ADAM18: variants seen among roughly 807,000 people sequenced by gnomAD.
ADAM18 encodes the protein ADAM metallopeptidase domain 18.
A neutral mutation model predicts 94.4 loss-of-function variants in ADAM18; 117 were observed. That is an observed-to-expected ratio of 1.24 (90% CI 1.07 to 1.45). ADAM18 has a LOEUF of 1.45. Ranked by LOEUF, ADAM18 falls within the 40% of genes most tolerant of loss-of-function variation. The probability of loss-of-function intolerance (pLI) is 0.00; values close to 1 mark genes in which losing one functional copy is unlikely to be tolerated. For synonymous variants in ADAM18, 327 were observed against 291.6 expected (o/e 1.12, Z -1.24); for missense variants, 936 against 880.0 (o/e 1.06, Z -0.81).
intron 14 of ADAM18, among the ~76,000 whole-genome samples, chr8:39,669,028 T>A (rs535430580): frequency 3.3e-5 from 5 of 152,228 alleles, no homozygotes; most frequent in Admixed American, 6.5e-5. Flanking sequence ...ATTTTCTGTG[T>A]GCTATTTTTC....
chr8:39,677,141 A>G (rs534364234), intron 14 of ADAM18, among the ~76,000 whole-genome samples: 2 of 152,348 alleles, frequency 1.3e-5, no homozygotes, highest in East Asian at 3.9e-4. Context: ...AGAGGAAGTT[A>G]CAAGGTCAAG....
intron 2 of ADAM18, among the ~76,000 whole-genome samples, chr8:39,590,575 T>TAA (rs1414661000): frequency 4.6e-5 from 7 of 152,084 alleles, no homozygotes; most frequent in Non-Finnish European, 1.0e-4. Flanking sequence ...CCCTAAAACT[T>TAA]AAAGTGTAAT....
At chr8:39,682,502 A>G (rs1167441948) in intron 16 of ADAM18, among the ~76,000 whole-genome samples, 1 of 152,208 alleles carries the variant, frequency 6.6e-6, no homozygotes, top group Non-Finnish European at 1.5e-5. Flanking sequence ...GAGTCAAATA[A>G]GAACTGAGAA....
chr8:39,592,934 A>G (rs1023634063), intron 2 of ADAM18, among the ~76,000 whole-genome samples: 2 of 152,158 alleles, frequency 1.3e-5, no homozygotes, highest in African/African-American at 4.8e-5. Flanking sequence ...TTTTATCTAC[A>G]CTGAAAATCT....
In ADAM18 at chr8:39,729,935, C is replaced by A. The variant is rs570432321; in HGVS notation, c.2215C>A (p.His739Asn). The change falls in exon 20 of 20, where the codon CAT becomes AAT. Residue 739 changes from histidine to asparagine, a missense_variant. Transcript: ENST00000265707. ...SVVSESDDVG[H>N] ...TGTATCAGAAAGCGATGACGTGGGACATTAATATTGCACAGAACTTCCATA... is the reference window on the plus strand; with the variant it reads ...TGTATCAGAAAGCGATGACGTGGGAAATTAATATTGCACAGAACTTCCATA... The A allele has an allele frequency of 6.2e-7, 1 of 1,612,862 alleles. No homozygotes were observed. The highest frequency in any genetic ancestry group is 1.3e-5 in the African/African-American group (1 of 74,900).
Position 39,663,791 on chromosome 8 carries a change from T to C in ADAM18, c.1231-4T>C, listed in dbSNP as rs200211640. The C allele has an allele frequency of 3.1e-4, 491 of 1,599,692 alleles. 2 individuals are homozygous for C. In the African/African-American group the frequency reaches 5.7e-3, roughly 19 times the overall value. On this transcript the variant is annotated splice_polypyrimidine_tract_variant and splice_region_variant and intron_variant, in intron 12 of 19. Coordinates refer to ENST00000265707, the MANE Select transcript of ADAM18 (RefSeq NM_014237.3). ...TAATAATATTTCTTCCTGTAAAATT[T>C]TAGGAATGTCAATTTAAGAAGTGCT...
At chr8:39,618,998 G>A (rs866008569) in intron 6 of ADAM18, among the ~76,000 whole-genome samples, 2 of 151,988 alleles carry the variant, frequency 1.3e-5, no homozygotes, top group African/African-American at 4.8e-5. Context: ...GTTTCAGGGG[G>A]TCTCCCTACA....
At chr8:39,596,725 T>C (rs767123563) in intron 2 of ADAM18, among the ~76,000 whole-genome samples, 1 of 152,214 alleles carries the variant, frequency 6.6e-6, no homozygotes, top group Non-Finnish European at 1.5e-5. Context: ...GGTAAGAGTA[T>C]GTGTAGTATT....
At chr8:39,601,306 G>C (rs186288168) in intron 2 of ADAM18, among the ~76,000 whole-genome samples, 1 of 152,222 alleles carries the variant, frequency 6.6e-6, no homozygotes, top group African/African-American at 2.4e-5. Flanking sequence ...TGTGGCAGGG[G>C]CCAGGTGGTG....
intron 17 of ADAM18, among the ~76,000 whole-genome samples, chr8:39,703,058 A>G (rs764820508): frequency 3.3e-5 from 5 of 152,204 alleles, no homozygotes; most frequent in Admixed American, 6.5e-5. Context: ...CGTTGAATCT[A>G]TAAATAGCTT....
chr8:39,659,854 C>A (rs531159691), intron 12 of ADAM18, among the ~76,000 whole-genome samples: 10 of 152,058 alleles, frequency 6.6e-5, no homozygotes, highest in Non-Finnish European at 1.2e-4. Flanking sequence ...ACCAAAAAAT[C>A]TGAAAATAAA....
intron 17 of ADAM18, among the ~76,000 whole-genome samples, chr8:39,702,306 T>G (rs1822103320): frequency 6.6e-6 from 1 of 152,218 alleles, no homozygotes; most frequent in African/African-American, 2.4e-5. Flanking sequence ...GAAAAGTTTC[T>G]GTTCATGTCA....
At chr8:39,586,212 A>G (rs1251077972) in intron 2 of ADAM18, among the ~76,000 whole-genome samples, 2 of 152,218 alleles carry the variant, frequency 1.3e-5, no homozygotes, top group African/African-American at 4.8e-5. Context: ...ATGTTTGGGA[A>G]TCACAATAAA....
chr8:39,687,732 T>C (rs1256162715), intron 16 of ADAM18, among the ~76,000 whole-genome samples: 5 of 152,214 alleles, frequency 3.3e-5, no homozygotes, highest in Admixed American at 1.3e-4. Context: ...TTTAGTTTTC[T>C]GTTCCTGCAT....
In ADAM18 at chr8:39,714,178, A is replaced by T. The variant is rs573673913; in HGVS notation, c.2017+7274A>T. Among the ~76,000 whole-genome samples, 10 of 152,278 alleles carry T rather than the reference A, an allele frequency of 6.6e-5. No homozygotes were observed. In the South Asian group the frequency reaches 1.0e-3, roughly 16 times the overall value. On this transcript the variant is annotated intron_variant, in intron 18 of 19. Transcript: ENST00000265707. ...AGCTGGAAACCATCATTCTGAGCAA[A>T]CTATCACAGGACAGAAAACCAAGCA...
At chr8:39,644,060 A>G (rs1820310485) in intron 10 of ADAM18, among the ~76,000 whole-genome samples, 1 of 152,100 alleles carries the variant, frequency 6.6e-6, no homozygotes, top group South Asian at 2.1e-4. Context: ...TCATATACAT[A>G]CAAACATGTA....
intron 18 of ADAM18, among the ~76,000 whole-genome samples, chr8:39,708,272 C>T (rs1822294934): frequency 6.6e-6 from 1 of 152,140 alleles, no homozygotes; most frequent in African/African-American, 2.4e-5. Context: ...ATCAGATATT[C>T]TCAGAGATAT....
At chr8:39,663,988 A>C (rs1415719798) in intron 13 of ADAM18, 98 bp downstream of exon 13, 1 of 776,194 alleles carries the variant, frequency 1.3e-6, no homozygotes, top group Non-Finnish European at 2.0e-6. Context: ...ATATATAAGG[A>C]ATTTAGTGAA....
chr8:39,645,113 G>A (rs533327637), intron 10 of ADAM18, among the ~76,000 whole-genome samples: 44 of 152,164 alleles, frequency 2.9e-4, no homozygotes, highest in Middle Eastern at 3.4e-3. Context: ...GAATTTTGGC[G>A]TGCAAAATTT....
Sources: gnomAD v4.1 joint callset for allele counts (sites outside exome capture counted in the v4.1 genomes callset) on GRCh38, gnomAD v4.1.1 for gene constraint, MANE v1.5 for transcripts, NCBI Gene and HGNC (gene_info 2026-07-23, HGNC 2026-07-21) for gene names.